The following ELAPOR2 variants were observed in gnomAD, a reference collection of about 807,000 sequenced individuals.
The protein encoded by ELAPOR2 is endosome-lysosome associated apoptosis and autophagy regulator family member 2.
ELAPOR2 carries 89 observed loss-of-function variants against 120.7 expected under a neutral mutation model. The ratio of observed to expected loss-of-function variants is 0.74; its 90% CI spans 0.62 to 0.88. ELAPOR2 has a LOEUF of 0.88. Ranked by LOEUF, ELAPOR2 falls within the 40% of genes least tolerant of loss-of-function variation. The probability of loss-of-function intolerance (pLI) is 0.00; values close to 1 mark genes in which losing one functional copy is unlikely to be tolerated. For synonymous variants in ELAPOR2, 444 were observed against 444.9 expected, an observed-to-expected ratio of 1.00 and a Z score of 0.03; for missense variants, 1,134 against 1,251.6, an observed-to-expected ratio of 0.91 and a Z score of 1.42.
chr7:87,020,513 G>A (rs908653065), intron 1 of ELAPOR2, among the ~76,000 whole-genome samples: 2 of 152,018 alleles, frequency 1.3e-5, no homozygotes, highest in African/African-American at 4.8e-5. Flanking sequence ...AAAAAGCCAG[G>A]CTCAGAAGGT....
At chr7:86,932,164 A>C (rs1422653481) in intron 8 of ELAPOR2, among the ~76,000 whole-genome samples, 1 of 151,954 alleles carries the variant, frequency 6.6e-6, no homozygotes, top group Non-Finnish European at 1.5e-5. Flanking sequence ...TGAGGATACT[A>C]GTGGCTTGGG....
intron 1 of ELAPOR2, among the ~76,000 whole-genome samples, chr7:87,051,959 A>G (rs1484819648): frequency 6.6e-6 from 1 of 152,242 alleles, no homozygotes; most frequent in Non-Finnish European, 1.5e-5. Context: ...AATTCCTGAC[A>G]TATAAAAGAT....
chr7:86,948,888 G>T (rs1380382229), intron 2 of ELAPOR2, among the ~76,000 whole-genome samples: 4 of 152,090 alleles, frequency 2.6e-5, no homozygotes, highest in Non-Finnish European at 4.4e-5. Flanking sequence ...AACAAAATGA[G>T]ACCTCCAAAT....
chr7:86,965,014 T>A lies in ELAPOR2; in HGVS notation c.200A>T (p.His67Leu). The change falls in exon 2 of 22, where the codon CAC becomes CTC. Residue 67 changes from histidine (H) to leucine (L), a missense_variant. By Grantham distance (99) the His-to-Leu change is moderately conservative. Transcript: ENST00000450689. ...PLPPCQEKDY[H>L]FEYTECDSSG... ...GCTATCACATTCCGTATATTCAAAG[T>A]GATAATCTTTCTGCAAACAATCACA... The A allele has an allele frequency of 1.9e-6, 3 of 1,551,530 alleles. No individual in the cohort carries two copies. Among genetic ancestry groups the A allele is most frequent in the South Asian group, 2.4e-5 (2 of 84,050 alleles).
rs1425187170 is a variant in ELAPOR2 at position 87,059,343 on chromosome 7, C to A, written c.171G>T (p.Pro57=). ...TGCTCACCTCCTGGCAAGGAGGAAGCGGGCGGCTGGAGGAGGAGGGCAGGT... is the reference window on the plus strand; with the variant it reads ...TGCTCACCTCCTGGCAAGGAGGAAGAGGGCGGCTGGAGGAGGAGGGCAGGT... ...AGDLPSSSSR[P]LPPCQEKDYH... The change falls in exon 1 of 22, where the codon CCG becomes CCT. Residue 57 remains proline (P), a synonymous_variant. Coordinates refer to ENST00000450689, the MANE Select transcript of ELAPOR2 (RefSeq NM_001142749.3). The A allele has an allele frequency of 3.2e-6, 4 of 1,248,030 alleles. No homozygotes were observed. Among genetic ancestry groups the A allele is most frequent in the African/African-American group, 1.6e-5 (1 of 64,458 alleles). 77.3% of individuals were successfully genotyped at this position (1,248,030 alleles called of 1,614,324 possible).
At chr7:86,941,953 A>T in intron 5 of ELAPOR2, 65 bp downstream of exon 5, 1 of 924,482 alleles carries the variant, frequency 1.1e-6, no homozygotes, top group South Asian at 1.5e-5. Context: ...GGAAAGAAGA[A>T]AAGGTTGGGG....
intron 5 of ELAPOR2, among the ~76,000 whole-genome samples, chr7:86,940,537 T>C (rs1268216295): frequency 1.3e-5 from 2 of 152,020 alleles, no homozygotes; most frequent in African/African-American, 4.8e-5. Flanking sequence ...TGTTTCTTTT[T>C]AAAAATATAT....
chr7:86,921,483 G>A (rs1789826896), intron 10 of ELAPOR2, among the ~76,000 whole-genome samples: 1 of 152,038 alleles, frequency 6.6e-6, no homozygotes, highest in African/African-American at 2.4e-5. Context: ...GCTACCAGAA[G>A]CTAGAAAAGG....
chr7:86,904,623 C>G (rs1788884349), intron 18 of ELAPOR2, among the ~76,000 whole-genome samples: 1 of 152,176 alleles, frequency 6.6e-6, no homozygotes, highest in Admixed American at 6.6e-5. Flanking sequence ...AAATAGACAG[C>G]TTGGTGTTTC....
At chr7:86,996,538 T>G (rs1767742) in intron 1 of ELAPOR2, among the ~76,000 whole-genome samples, 57,551 of 152,110 alleles carry the variant, frequency 0.38, 11,739 homozygotes, top group African/African-American at 0.53. Flanking sequence ...AGGCCTTAGA[T>G]ATCTTAAAAC....
chr7:86,967,829 A>G (rs1054138244), intron 1 of ELAPOR2, among the ~76,000 whole-genome samples: 1 of 152,220 alleles, frequency 6.6e-6, no homozygotes, highest in Non-Finnish European at 1.5e-5. Flanking sequence ...TACAGCTACT[A>G]TTGTTACCAA....
At chr7:87,050,836 A>T (rs1795079031) in intron 1 of ELAPOR2, among the ~76,000 whole-genome samples, 1 of 152,180 alleles carries the variant, frequency 6.6e-6, no homozygotes, top group South Asian at 2.1e-4. Context: ...TGGGAAGAGG[A>T]TTTGCTGATA....
chr7:86,881,625 G>A (rs1314727192), intron 21 of ELAPOR2, among the ~76,000 whole-genome samples: 1 of 151,994 alleles, frequency 6.6e-6, no homozygotes, highest in African/African-American at 2.4e-5. Flanking sequence ...CAAAGTGCTG[G>A]GATTACAGGC....
chr7:86,891,871 G>C lies in ELAPOR2; in HGVS notation c.2883C>G (p.Ser961=). The change falls in exon 21 of 22, where the codon TCC becomes TCG. Residue 961 remains serine (S), a synonymous_variant. Coordinates refer to ENST00000450689, the MANE Select transcript of ELAPOR2 (RefSeq NM_001142749.3). ...TTGAGTTAGTCGTCATTACTAACTT[G>C]GAATATTTGTATTCCAGTCTAAATA... ...KKNQKLEYKY[S]KLVMTTNSKE... is the part of the protein sequence containing the mutation. The C allele has an allele frequency of 1.2e-6, 2 of 1,600,414 alleles. No individual in the cohort carries two copies. Among genetic ancestry groups the C allele is most frequent in the Non-Finnish European group, 1.7e-6 (2 of 1,171,732 alleles).
chr7:86,893,089 A>T lies in ELAPOR2; in HGVS notation c.2697T>A (p.Tyr899Ter), dbSNP rs1788256289. 6.5e-7 allele frequency: 1 copy of T among 1,535,606 alleles called. No homozygotes were observed. The highest frequency in any genetic ancestry group is 8.7e-7 in the Non-Finnish European group (1 of 1,152,252). Residue 899 changes from tyrosine (Y) to a stop codon, truncating the protein, a stop_gained, in exon 20 of 22, where the codon TAT (tyrosine) becomes TAA (stop). Transcript: ENST00000450689. LOFTEE classifies it high-confidence loss of function. ...ACKRGFQETL[Y>*]VWNEPKWCIK... is the part of the protein sequence containing the mutation. ...TGCACCATTTAGGTTCATTCCACACATACAAGGTTTCCTTTAAAAAAAAAA... is the reference window on the plus strand; with the variant it reads ...TGCACCATTTAGGTTCATTCCACACTTACAAGGTTTCCTTTAAAAAAAAAA...
At chr7:86,991,525 C>A (rs192514060) in intron 1 of ELAPOR2, among the ~76,000 whole-genome samples, 7 of 152,326 alleles carry the variant, frequency 4.6e-5, no homozygotes, top group Non-Finnish European at 7.3e-5. Flanking sequence ...TCAAAACACA[C>A]ACACACATGA....
chr7:86,961,368 T>C (rs1791701555), intron 2 of ELAPOR2, among the ~76,000 whole-genome samples: 1 of 152,172 alleles, frequency 6.6e-6, no homozygotes. Context: ...TTTTAAAGAA[T>C]AAGCAATTGA....
intron 1 of ELAPOR2, among the ~76,000 whole-genome samples, chr7:87,048,659 C>T (rs575732395): frequency 1.2e-4 from 19 of 152,220 alleles, no homozygotes; most frequent in African/African-American, 3.1e-4. Context: ...AAAGGATAAA[C>T]GCTTGAGGGG....
intron 1 of ELAPOR2, among the ~76,000 whole-genome samples, chr7:87,050,964 G>A (rs1216991493): frequency 6.6e-6 from 1 of 152,188 alleles, no homozygotes; most frequent in Non-Finnish European, 1.5e-5. Flanking sequence ...ACAAGGAGTA[G>A]GTTTGGGGAA....
Sources: allele counts gnomAD v4.1 joint callset (sites outside exome capture counted in the v4.1 genomes callset), GRCh38; gene constraint gnomAD v4.1.1; transcripts MANE v1.5; gene names NCBI Gene and HGNC (gene_info 2026-07-23, HGNC 2026-07-21).